Variants in SV2C observed in about 807,000 individuals in gnomAD.
SV2C encodes the protein solute carrier family 22 member B3.
In SV2C, 49 loss-of-function variants were observed where a neutral mutation model predicts 79.7. That is an observed-to-expected ratio of 0.61 (90% CI 0.49 to 0.78). SV2C has a LOEUF of 0.78. Ranked by LOEUF, SV2C falls within the 30% of genes least tolerant of loss-of-function variation. The probability of loss-of-function intolerance (pLI) is 0.00; values close to 1 mark genes in which losing one functional copy is unlikely to be tolerated. For synonymous variants in SV2C, 334 were observed against 333.2 expected (o/e 1.00, Z -0.03); for missense variants, 833 against 912.9 (o/e 0.91, Z 1.13).
upstream of SV2C, chr5:76,078,976 G>A (rs1274157473): frequency 5.9e-6 from 3 of 504,218 alleles, no homozygotes; most frequent in Admixed American, 6.4e-5. Flanking sequence ...ATTGAGTCAA[G>A]ACAGTACTGG....
At chr5:76,109,699 T>TA (rs1748038716) in intron 1 of SV2C, among the ~76,000 whole-genome samples, 2 of 152,084 alleles carry the variant, frequency 1.3e-5, no homozygotes, top group African/African-American at 4.8e-5. Flanking sequence ...AAGATGCCCC[T>TA]ACAAGCCGAG....
chr5:76,132,445 T>C, intron 2 of SV2C, 115 bp downstream of exon 2: 1 of 1,090,982 alleles, frequency 9.2e-7, no homozygotes, highest in Non-Finnish European at 1.3e-6. Flanking sequence ...TTCTAACAAA[T>C]TTTTTATTAC....
At chr5:76,205,760 C>T (rs951003075) in intron 3 of SV2C, among the ~76,000 whole-genome samples, 1 of 150,592 alleles carries the variant, frequency 6.6e-6, no homozygotes, top group Non-Finnish European at 1.5e-5. Flanking sequence ...CATTAGCCCC[C>T]CACTGCAAAA....
chr5:75,981,188 A>G, the SV2C span, among the ~76,000 whole-genome samples: 1 of 152,122 alleles, frequency 6.6e-6, no homozygotes, highest in Non-Finnish European at 1.5e-5. Flanking sequence ...AAAGTAAACT[A>G]TACAAACCAC....
chr5:75,924,619 A>C, the SV2C span, among the ~76,000 whole-genome samples: 1 of 152,158 alleles, frequency 6.6e-6, no homozygotes, highest in South Asian at 2.1e-4. Context: ...GGTATCTATA[A>C]CATACTATGC....
chr5:75,904,880 C>T, the SV2C span, among the ~76,000 whole-genome samples: 4 of 152,190 alleles, frequency 2.6e-5, no homozygotes, highest in Admixed American at 1.3e-4. Flanking sequence ...CTGTCAAATT[C>T]TTCAGTTGGC....
the SV2C span, among the ~76,000 whole-genome samples, chr5:75,884,869 A>G: frequency 1.6e-4 from 25 of 152,232 alleles, no homozygotes; most frequent in East Asian, 4.6e-3. Flanking sequence ...GCAACAATGT[A>G]CTTCATTCTA....
chr5:76,299,320 G>T (rs758079096), intron 10 of SV2C, among the ~76,000 whole-genome samples: 113 of 152,100 alleles, frequency 7.4e-4, no homozygotes, highest in Non-Finnish European at 1.3e-3. Flanking sequence ...TATATATTTT[G>T]GCCAAATCCA....
chr5:75,850,339 T>C, the SV2C span, among the ~76,000 whole-genome samples: 4 of 152,228 alleles, frequency 2.6e-5, no homozygotes, highest in Non-Finnish European at 2.9e-5. Context: ...TTTTCACTTC[T>C]GAGGCAAGTT....
the SV2C span, among the ~76,000 whole-genome samples, chr5:76,059,487 C>CTTTTTTTT: frequency 1.3e-5 from 2 of 149,114 alleles, no homozygotes; most frequent in Non-Finnish European, 1.5e-5. Context: ...TGAAGAAATC[C>CTTTTTTTT]TTTTTTTTTT....
At chr5:76,227,710 G>A (rs1449056277) in intron 4 of SV2C, among the ~76,000 whole-genome samples, 1 of 152,176 alleles carries the variant, frequency 6.6e-6, no homozygotes, top group Non-Finnish European at 1.5e-5. Flanking sequence ...AGGCTACTCA[G>A]GGGTGTCAGT....
At chr5:75,885,874 G>C in the SV2C span, among the ~76,000 whole-genome samples, 1 of 152,084 alleles carries the variant, frequency 6.6e-6, no homozygotes, top group Non-Finnish European at 1.5e-5. Flanking sequence ...AATGGGAAAT[G>C]CTCTTGGATC....
Position 76,269,566 on chromosome 5 carries a change from C to T in SV2C, c.914-15596C>T, listed in dbSNP as rs983436779. Among the ~76,000 whole-genome samples, 9 of 152,268 alleles carry T rather than the reference C, an allele frequency of 5.9e-5. No individual in the cohort carries two copies. The South Asian group carries it at 1.2e-3, about 21-fold the overall frequency. Reference sequence around the variant, plus strand: ...TGCGTACCTTTGAATCCACTTTACCCGTGTCCCTGCTGTAGTCTGCAATTG... The same window carrying T: ...TGCGTACCTTTGAATCCACTTTACCTGTGTCCCTGCTGTAGTCTGCAATTG... On this transcript the variant is annotated intron_variant, in intron 4 of 12. Transcript: ENST00000502798.
chr5:76,135,035 C>A (rs1372506954), intron 2 of SV2C, among the ~76,000 whole-genome samples: 16 of 152,106 alleles, frequency 1.1e-4, no homozygotes, highest in Non-Finnish European at 2.9e-5. Context: ...AGACTTCGAG[C>A]AGGGAGAACA....
At chr5:76,148,845 G>A (rs190689047) in intron 2 of SV2C, among the ~76,000 whole-genome samples, 11 of 152,144 alleles carry the variant, frequency 7.2e-5, no homozygotes, top group Non-Finnish European at 1.3e-4. Context: ...GGGAGAAAGT[G>A]GGTGGAGGGT....
chr5:76,228,674 T>G (rs530804642), intron 4 of SV2C, among the ~76,000 whole-genome samples: 1 of 152,132 alleles, frequency 6.6e-6, no homozygotes. Context: ...AATAAAAACT[T>G]TGGTGTCAGT....
chr5:76,196,148 A>G (rs1245645577), intron 3 of SV2C, among the ~76,000 whole-genome samples: 1 of 152,216 alleles, frequency 6.6e-6, no homozygotes, highest in Non-Finnish European at 1.5e-5. Context: ...AAGAGGTCAG[A>G]GGACTATAGC....
chr5:76,140,836 A>G (rs1403894902), intron 2 of SV2C, among the ~76,000 whole-genome samples: 3 of 152,076 alleles, frequency 2.0e-5, no homozygotes, highest in Non-Finnish European at 4.4e-5. Flanking sequence ...CTCAGCATCT[A>G]TGTGGGTACC....
chr5:76,096,502 T>G (rs1580262536), intron 1 of SV2C, among the ~76,000 whole-genome samples: 1 of 151,814 alleles, frequency 6.6e-6, no homozygotes, highest in Admixed American at 6.6e-5. Context: ...ATGGCTGGGG[T>G]TTTTTCAAGT....
Sources: allele counts gnomAD v4.1 joint callset (sites outside exome capture counted in the v4.1 genomes callset), GRCh38; gene constraint gnomAD v4.1.1; transcripts MANE v1.5; gene names NCBI Gene and HGNC (gene_info 2026-07-23, HGNC 2026-07-21).